The following ZNF385D variants were observed in gnomAD, a reference collection of about 807,000 sequenced individuals.
ZNF385D encodes zinc finger protein 385D.
Under a neutral mutation model 35.8 loss-of-function variants are expected in ZNF385D, and 15 were observed. That is an observed-to-expected ratio of 0.42 (90% confidence interval 0.28 to 0.64). The LOEUF is 0.64. Ranked by LOEUF, ZNF385D falls within the 30% of genes least tolerant of loss-of-function variation. The probability of loss-of-function intolerance (pLI) is 0.23; values close to 1 mark genes in which losing one functional copy is unlikely to be tolerated. For synonymous variants in ZNF385D, 212 were observed against 186.8 expected, an observed-to-expected ratio of 1.13 and a Z score of -1.10; for missense variants, 474 against 494.6, an observed-to-expected ratio of 0.96 and a Z score of 0.39.
chr3:21,656,971 C>T (rs1424795347), intron 2 of ZNF385D, among the ~76,000 whole-genome samples: 1 of 151,800 alleles, frequency 6.6e-6, no homozygotes, highest in Non-Finnish European at 1.5e-5. Flanking sequence ...CTAAGAAACT[C>T]ACAGTAGGAA....
chr3:22,307,529 C>T (rs1230695493), intron 2 of ZNF385D, among the ~76,000 whole-genome samples: 3 of 152,072 alleles, frequency 2.0e-5, no homozygotes, highest in African/African-American at 4.8e-5. Flanking sequence ...TGTGTGCACA[C>T]GTACACATGC....
intron 2 of ZNF385D, among the ~76,000 whole-genome samples, chr3:22,245,220 T>C (rs1048141238): frequency 6.6e-6 from 1 of 152,090 alleles, no homozygotes; most frequent in Admixed American, 6.6e-5. Flanking sequence ...CCAATATAAA[T>C]TTTTCAGCTA....
chr3:22,030,842 T>C (rs960508168), intron 3 of ZNF385D, among the ~76,000 whole-genome samples: 2 of 152,178 alleles, frequency 1.3e-5, no homozygotes, highest in African/African-American at 4.8e-5. Context: ...CTTCTACCTA[T>C]GAACCTGTAA....
intron 3 of ZNF385D, among the ~76,000 whole-genome samples, chr3:21,883,963 C>T (rs1344126432): frequency 6.6e-6 from 1 of 151,910 alleles, no homozygotes; most frequent in African/African-American, 2.4e-5. Flanking sequence ...CAAAGGGAAT[C>T]GGTTTGTGCA....
At chr3:22,343,266 C>A (rs1386461345) in intron 2 of ZNF385D, among the ~76,000 whole-genome samples, 1 of 152,166 alleles carries the variant, frequency 6.6e-6, no homozygotes, top group East Asian at 1.9e-4. Flanking sequence ...ACTCACTAAA[C>A]AAAACAAAAC....
intron 3 of ZNF385D, among the ~76,000 whole-genome samples, chr3:21,848,921 G>A (rs1382716538): frequency 6.6e-6 from 1 of 152,060 alleles, no homozygotes; most frequent in African/African-American, 2.4e-5. Flanking sequence ...TTCTATCTTA[G>A]AACATAGCCA....
upstream of ZNF385D, among the ~76,000 whole-genome samples, chr3:21,755,765 T>C (rs1055103613): frequency 3.3e-5 from 5 of 152,204 alleles, no homozygotes; most frequent in African/African-American, 1.2e-4. Flanking sequence ...ATTATTTATC[T>C]ATGAATTCAT....
intron 3 of ZNF385D, among the ~76,000 whole-genome samples, chr3:22,031,717 T>C (rs1698014827): frequency 6.6e-6 from 1 of 152,214 alleles, no homozygotes; most frequent in South Asian, 2.1e-4. Context: ...ATTTGCCTTC[T>C]TGTTACTTAT....
chr3:22,357,060 A>T (rs966946601), intron 2 of ZNF385D, among the ~76,000 whole-genome samples: 1 of 151,988 alleles, frequency 6.6e-6, no homozygotes, highest in Non-Finnish European at 1.5e-5. Context: ...GCATTAGCAC[A>T]TAAAAAGAAA....
intron 3 of ZNF385D, among the ~76,000 whole-genome samples, chr3:22,122,955 G>C (rs997896273): frequency 2.6e-5 from 4 of 152,176 alleles, no homozygotes; most frequent in African/African-American, 9.6e-5. Flanking sequence ...AGTATTAGGA[G>C]ATAAGATCAT....
In ZNF385D at chr3:21,911,227, T is replaced by TA. The variant is rs542534484; in HGVS notation, c.326-246200dup. ...AAGTAATTGCTACCTTGAAATAAGC[T>TA]AAAAAAAATTAAGGTTTTTATGAGA... On this transcript the variant is annotated intron_variant, in intron 3 of 5. Coordinates refer to the ZNF385D transcript ENST00000494108. Among the ~76,000 whole-genome samples, 446 of 151,936 alleles carry TA rather than the reference T, an allele frequency of 2.9e-3. 6 individuals are homozygous for TA. Among genetic ancestry groups the TA allele is most frequent in the Non-Finnish European group, 4.6e-3 (314 of 67,840 alleles).
At position 21,763,174 on chromosome 3, in the gene ZNF385D, T is replaced by C. The variant is rs182481099; in HGVS notation, c.326-98146A>G. On this transcript the variant is annotated intron_variant, in intron 3 of 5. Coordinates refer to the ZNF385D transcript ENST00000494108. ...AATTCACCTTCTCTCCAGAGACCTG[T>C]TGATTTTGCAATTAGTCTGAGGAAA... is the stretch of plus-strand genomic sequence containing the variant. Among the ~76,000 whole-genome samples, 27 of 152,284 alleles carry C rather than the reference T, an allele frequency of 1.8e-4. No individual in the cohort carries two copies. In the East Asian group the frequency reaches 4.4e-3, roughly 25 times the overall value.
chr3:22,016,617 G>A (rs554746000), intron 3 of ZNF385D, among the ~76,000 whole-genome samples: 1 of 152,036 alleles, frequency 6.6e-6, no homozygotes, highest in South Asian at 2.1e-4. Context: ...TTTCCTTCCT[G>A]CCTAGAACAA....
chr3:21,589,286 A>T (rs1033203646), intron 2 of ZNF385D, among the ~76,000 whole-genome samples: 9 of 152,190 alleles, frequency 5.9e-5, no homozygotes, highest in Non-Finnish European at 1.3e-4. Context: ...AAGTGCAAAG[A>T]CCCTGCAGTC....
chr3:21,521,689 G>C (rs1559369803), intron 3 of ZNF385D, among the ~76,000 whole-genome samples: 1 of 152,126 alleles, frequency 6.6e-6, no homozygotes, highest in Non-Finnish European at 1.5e-5. Context: ...AGGAATTTGA[G>C]GCTGCAGTGA....
At chr3:21,683,946 C>A (rs1274873370) in intron 1 of ZNF385D, among the ~76,000 whole-genome samples, 1 of 150,130 alleles carries the variant, frequency 6.7e-6, no homozygotes, top group Non-Finnish European at 1.5e-5. Context: ...CCCTATGATA[C>A]CCTGAACAGA....
intron 3 of ZNF385D, among the ~76,000 whole-genome samples, chr3:22,165,070 T>G (rs945643856): frequency 3.3e-5 from 5 of 152,170 alleles, no homozygotes; most frequent in African/African-American, 1.2e-4. Context: ...TGTATGATGT[T>G]GTGATGTTGG....
At chr3:21,648,172 T>C (rs919060262) in intron 2 of ZNF385D, among the ~76,000 whole-genome samples, 27 of 152,254 alleles carry the variant, frequency 1.8e-4, no homozygotes, top group African/African-American at 5.8e-4. Flanking sequence ...GGGAGTTGAT[T>C]GGATCATGAG....
intron 3 of ZNF385D, among the ~76,000 whole-genome samples, chr3:21,548,135 A>G (rs554759693): frequency 1.6e-4 from 24 of 152,200 alleles, no homozygotes; most frequent in East Asian, 1.2e-3. Context: ...TTTTCACCCA[A>G]TAAAACCCTG....
Sources: allele counts gnomAD v4.1 joint callset (sites outside exome capture counted in the v4.1 genomes callset), GRCh38; gene constraint gnomAD v4.1.1; transcripts MANE v1.5; gene names NCBI Gene and HGNC (gene_info 2026-07-23, HGNC 2026-07-21).